Variants in CNIH1 observed in about 807,000 individuals in gnomAD.
The protein encoded by CNIH1 is protein cornichon homolog 1.
CNIH1 carries 12 observed loss-of-function variants against 20.2 expected under a neutral mutation model. The observed-to-expected ratio is 0.59, with a 90% CI of 0.38 to 0.96. CNIH1 has a LOEUF of 0.96. CNIH1 is among the 40% of genes least tolerant of loss of function. The pLI, the probability that CNIH1 is intolerant of heterozygous loss-of-function variation, is 0.00. For synonymous variants in CNIH1, 69 were observed against 63.3 expected, an observed-to-expected ratio of 1.09 and a Z score of -0.43; for missense variants, 152 against 178.8, an observed-to-expected ratio of 0.85 and a Z score of 0.85.
chr14:54,437,430 A>T (rs2031075995), intron 1 of CNIH1, among the ~76,000 whole-genome samples: 3 of 149,554 alleles, frequency 2.0e-5, no homozygotes, highest in Admixed American at 6.6e-5. Flanking sequence ...ATTTAGATTC[A>T]TAAAAAGACG....
Position 54,423,587 on chromosome 14 carries a change from A to C in CNIH1, c.*4227T>G, listed in dbSNP as rs2030770735. 1 of 152,242 alleles carries C rather than the reference A, an allele frequency of 6.6e-6. No individual in the cohort carries two copies. Among genetic ancestry groups the C allele is most frequent in the Non-Finnish European group, 1.5e-5 (1 of 68,042 alleles). 9.4% of individuals were successfully genotyped at this position (152,242 alleles called of 1,614,324 possible). On this transcript the variant is annotated 3_prime_UTR_variant, in exon 5 of 5. Transcript: ENST00000216416. ...ACATTTAAGACAGCTTTTATTAAATACAAAAGCAAAATAAGCTCTAAGGAG... is the reference window on the plus strand; with the variant it reads ...ACATTTAAGACAGCTTTTATTAAATCCAAAAGCAAAATAAGCTCTAAGGAG...
Position 54,423,923 on chromosome 14 carries a change from A to G in CNIH1, c.*3891T>C, listed in dbSNP as rs960316828. On this transcript the variant is annotated 3_prime_UTR_variant, in exon 5 of 5. Transcript: ENST00000216416. ...TAATGCAGATAAGACCTTCACTCCA[A>G]CCCCAAAGATCTTACATGGTTAATA... is the stretch of plus-strand genomic sequence containing the variant. 2.6e-5 allele frequency: 4 copies of G among 152,294 alleles called. No individual in the cohort carries two copies. The highest frequency in any genetic ancestry group is 4.4e-5 in the Non-Finnish European group (3 of 68,028). 9.4% of individuals were successfully genotyped at this position (152,294 alleles called of 1,614,324 possible). A position where few individuals can be genotyped will look rare whatever the true frequency, so the allele number is the denominator to read the frequency against.
intron 1 of CNIH1, among the ~76,000 whole-genome samples, chr14:54,441,012 T>A (rs376940815): frequency 6.6e-6 from 1 of 150,854 alleles, no homozygotes; most frequent in Admixed American, 6.6e-5. Context: ...AGGGGAGGAG[T>A]AGCGGTGCGC....
At chr14:54,430,027 T>A in intron 4 of CNIH1, 1 of 488,180 alleles carries the variant, frequency 2.0e-6, no homozygotes, top group South Asian at 2.6e-5. Context: ...TCTGAAAACT[T>A]ATGAAGCAGC....
intron 1 of CNIH1, 26 bp from the exon 2 acceptor site, chr14:54,436,463 AC>A: frequency 7.9e-7 from 1 of 1,262,010 alleles, no homozygotes; most frequent in Non-Finnish European, 1.1e-6. Flanking sequence ...AACAGTTAGG[AC>A]CACTCACTTT....
chr14:54,426,438 A>G lies in CNIH1; in HGVS notation c.*1376T>C, dbSNP rs2030828156. 3 of 152,190 alleles carry G rather than the reference A, an allele frequency of 2.0e-5. No homozygotes were observed. Among genetic ancestry groups the G allele is most frequent in the Admixed American group, 1.3e-4 (2 of 15,270 alleles). 9.4% of individuals were successfully genotyped at this position (152,190 alleles called of 1,614,324 possible). On this transcript the variant is annotated 3_prime_UTR_variant, in exon 5 of 5. Transcript: ENST00000216416. ...CCTTGATCATGTGAAATTTCTATAT[A>G]TTGGTTCTCTTTCTTTTGATCCTCT...
At chr14:54,435,450 A>T (rs977985025) in intron 2 of CNIH1, among the ~76,000 whole-genome samples, 1 of 152,206 alleles carries the variant, frequency 6.6e-6, no homozygotes, top group Non-Finnish European at 1.5e-5. Flanking sequence ...CATTATCACT[A>T]AATTCATGAT....
chr14:54,427,994 G>GCATTTAT lies in CNIH1; in HGVS notation c.408-154_408-153insATAAATG, dbSNP rs1414206984. The stretch of plus-strand genomic sequence containing the variant: ...ACAGTGATTTTAATTTGCATTTATG[G>GCATTTAT]ACTTTTGCCTAACATATGACTTGGC... On this transcript the variant is annotated intron_variant, in intron 4 of 4. Coordinates refer to ENST00000216416, the MANE Select transcript of CNIH1 (RefSeq NM_005776.3). Among the ~76,000 whole-genome samples, 73 of 152,246 alleles carry GCATTTAT rather than the reference G, an allele frequency of 4.8e-4. 2 individuals carry two copies. In the South Asian group the frequency reaches 0.013, roughly 27 times the overall value.
chr14:54,439,160 AT>A (rs1351791030), intron 1 of CNIH1, among the ~76,000 whole-genome samples: 1 of 152,248 alleles, frequency 6.6e-6, no homozygotes, highest in Non-Finnish European at 1.5e-5. Flanking sequence ...GATGATAAAC[AT>A]AAGGTTATAT....
chr14:54,434,291 A>C (rs1047031319), intron 2 of CNIH1, among the ~76,000 whole-genome samples: 1 of 152,220 alleles, frequency 6.6e-6, no homozygotes, highest in East Asian at 1.9e-4. Flanking sequence ...AACCTCCTGC[A>C]GCATTAGGAT....
chr14:54,432,167 A>G lies in CNIH1; in HGVS notation c.204T>C (p.Cys68=). The part of the protein sequence containing the change: ...IHAFFCVMFL[C]AAEWLTLGLN... ...GACCCAGTGTAAGCCACTCTGCTGC[A>G]CAAAGAAACATGACACAGAAGAAAG... Residue 68 remains cysteine (C), a synonymous_variant, in exon 3 of 5, where the codon TGT becomes TGC. Transcript: ENST00000216416. The G allele has an allele frequency of 6.4e-7, 1 of 1,570,486 alleles. No homozygotes were observed. Among genetic ancestry groups the G allele is most frequent in the Non-Finnish European group, 8.6e-7 (1 of 1,156,816 alleles).
rs10220437 is a variant in CNIH1 at position 54,427,578 on chromosome 14, T to C, written c.*236A>G. On this transcript the variant is annotated 3_prime_UTR_variant, in exon 5 of 5. Transcript: ENST00000216416. ...TCAAACCTGTCAACACCAGAGGTAA[T>C]CATTTTATATTAATTTATACGTAAT... The C allele has an allele frequency of 0.13, 66,317 of 511,838 alleles. 4,944 individuals are homozygous for C. The highest frequency in any genetic ancestry group is 0.15 in the Non-Finnish European group (43,842 of 290,126). The allele number at this position is 511,838 out of a possible 1,614,324, so 31.7% of individuals were successfully genotyped here.
At chr14:54,434,935 A>G (rs2031026305) in intron 2 of CNIH1, among the ~76,000 whole-genome samples, 2 of 152,200 alleles carry the variant, frequency 1.3e-5, no homozygotes, top group Non-Finnish European at 2.9e-5. Context: ...AGTTCTCTAA[A>G]GACAAACTAG....
intron 1 of CNIH1, 62 bp from the exon 2 acceptor site, chr14:54,436,499 C>G: frequency 1.2e-6 from 1 of 837,586 alleles, no homozygotes; most frequent in Admixed American, 2.2e-5. Context: ...ACAAACCTGC[C>G]CCATCTTCAA....
intron 2 of CNIH1, 85 bp from the exon 3 acceptor site, chr14:54,432,305 C>A: frequency 6.8e-6 from 4 of 588,472 alleles, no homozygotes; most frequent in South Asian, 2.7e-5. Context: ...AACCAAGTTT[C>A]CATAATGAAA....
intron 3 of CNIH1, among the ~76,000 whole-genome samples, chr14:54,431,007 G>C (rs1052201091): frequency 1.3e-5 from 2 of 151,570 alleles, no homozygotes; most frequent in African/African-American, 4.8e-5. Flanking sequence ...AATTTTTTTT[G>C]TAGAGGGGGG....
chr14:54,436,795 A>G, intron 1 of CNIH1: 1 of 445,262 alleles, frequency 2.2e-6, no homozygotes, highest in Non-Finnish European at 4.4e-6. Flanking sequence ...CCTAAAAAAA[A>G]AACAAACCTT....
At chr14:54,430,240 C>T (rs915390079) in intron 4 of CNIH1, 21 bp downstream of exon 4, 1 of 1,611,718 alleles carries the variant, frequency 6.2e-7, no homozygotes, top group Non-Finnish European at 8.5e-7. Flanking sequence ...AAGCATATTT[C>T]ATTTTACCTT....
Position 54,427,676 on chromosome 14 carries a change from A to G in CNIH1, c.*138T>C. On this transcript the variant is annotated 3_prime_UTR_variant, in exon 5 of 5. Transcript: ENST00000216416. The stretch of plus-strand genomic sequence containing the variant: ...CACAAGCAAAAATGTGGAAACATTT[A>G]AAAAATAAGGAGTCATTTTTTAAAG... 1 of 855,288 alleles carries G rather than the reference A, an allele frequency of 1.2e-6. No homozygotes were observed. Among genetic ancestry groups the G allele is most frequent in the Non-Finnish European group, 1.9e-6 (1 of 537,954 alleles). The allele number at this position is 855,288 out of a possible 1,614,324, so 53.0% of individuals were successfully genotyped here.
Sources: gnomAD v4.1 joint callset for allele counts (sites outside exome capture counted in the v4.1 genomes callset) on GRCh38, gnomAD v4.1.1 for gene constraint, MANE v1.5 for transcripts, NCBI Gene and HGNC (gene_info 2026-07-23, HGNC 2026-07-21) for gene names.